AGBL1: variants seen among roughly 807,000 people sequenced by gnomAD.
The protein encoded by AGBL1 is AGBL carboxypeptidase 1.
In AGBL1, 130 loss-of-function variants were observed where a neutral mutation model predicts 118.9. That is an observed-to-expected ratio of 1.09 (90% CI 0.95 to 1.26). The LOEUF is 1.26. AGBL1 is among the 50% of genes most tolerant of loss of function. The probability of loss-of-function intolerance (pLI) is 0.00; values close to 1 mark genes in which losing one functional copy is unlikely to be tolerated. For missense variants in AGBL1, 1,584 were observed against 1,298.1 expected (o/e 1.22, Z -3.38); for synonymous variants, 555 against 478.9 (o/e 1.16, Z -2.08).
intron 22 of AGBL1, among the ~76,000 whole-genome samples, chr15:86,778,826 C>T (rs2078294022): frequency 6.6e-6 from 1 of 152,166 alleles, no homozygotes; most frequent in Admixed American, 6.5e-5. Context: ...AAAGTAAAGA[C>T]AGGCATAGGA....
chr15:86,807,429 G>C (rs2078732664), intron 22 of AGBL1, among the ~76,000 whole-genome samples: 1 of 152,134 alleles, frequency 6.6e-6, no homozygotes, highest in African/African-American at 2.4e-5. Context: ...ATTTGCTTTT[G>C]TGGTTGCTGA....
At chr15:86,160,757 G>A (rs2141713937) in intron 5 of AGBL1, among the ~76,000 whole-genome samples, 2 of 152,250 alleles carry the variant, frequency 1.3e-5, no homozygotes, top group South Asian at 4.2e-4. Context: ...TGTGATATTT[G>A]CTGGGCTCAT....
intron 22 of AGBL1, among the ~76,000 whole-genome samples, chr15:86,894,446 G>A (rs549419747): frequency 6.6e-6 from 1 of 152,208 alleles, no homozygotes; most frequent in East Asian, 1.9e-4. Flanking sequence ...CATGACGTTG[G>A]AGCTTTATTT....
intron 23 of AGBL1, among the ~76,000 whole-genome samples, chr15:86,961,244 C>A (rs1567260784): frequency 6.6e-6 from 1 of 151,766 alleles, no homozygotes; most frequent in Non-Finnish European, 1.5e-5. Context: ...CTAAATAAAG[C>A]TCAAAAAAGG....
intron 5 of AGBL1, among the ~76,000 whole-genome samples, chr15:86,191,485 A>G (rs775293838): frequency 1.6e-4 from 24 of 152,098 alleles, no homozygotes; most frequent in African/African-American, 2.2e-4. Flanking sequence ...AAGGCTTGTA[A>G]TGATAGCCCT....
At chr15:86,362,513 C>A (rs567768553) in intron 17 of AGBL1, among the ~76,000 whole-genome samples, 1 of 152,156 alleles carries the variant, frequency 6.6e-6, no homozygotes. Flanking sequence ...ATCCATAATT[C>A]GGCTAAGTTC....
chr15:86,328,840 G>A (rs1197730682), intron 17 of AGBL1, among the ~76,000 whole-genome samples: 2 of 152,164 alleles, frequency 1.3e-5, no homozygotes, highest in African/African-American at 4.8e-5. Flanking sequence ...AACGCTGCAG[G>A]CATTTTCCCA....
At chr15:86,455,451 T>C (rs1165922230) in intron 18 of AGBL1, among the ~76,000 whole-genome samples, 3 of 152,198 alleles carry the variant, frequency 2.0e-5, no homozygotes, top group Non-Finnish European at 4.4e-5. Flanking sequence ...CAAGATATCC[T>C]GCTTCCCAAT....
chr15:86,101,720 G>A (rs1896732893), intron 1 of AGBL1, among the ~76,000 whole-genome samples: 1 of 150,314 alleles, frequency 6.7e-6, no homozygotes, highest in Admixed American at 6.6e-5. Context: ...CTGTTCATGT[G>A]GAATATATTT....
chr15:86,838,281 G>C (rs180742098), intron 22 of AGBL1, among the ~76,000 whole-genome samples: 109 of 152,166 alleles, frequency 7.2e-4, no homozygotes, highest in Middle Eastern at 3.4e-3. Context: ...ACAAATCACT[G>C]GCCTGTAAGT....
At chr15:86,969,279 C>T (rs745345538) in intron 23 of AGBL1, among the ~76,000 whole-genome samples, 5 of 151,846 alleles carry the variant, frequency 3.3e-5, no homozygotes, top group Non-Finnish European at 5.9e-5. Context: ...CTTTCCACAA[C>T]ACATTGCACA....
intron 18 of AGBL1, among the ~76,000 whole-genome samples, chr15:86,517,553 G>T (rs1032760539): frequency 2.0e-5 from 3 of 152,156 alleles, no homozygotes; most frequent in Non-Finnish European, 4.4e-5. Flanking sequence ...AAAGATTTTG[G>T]CTTTCCCATT....
intron 21 of AGBL1, among the ~76,000 whole-genome samples, chr15:86,576,068 G>A (rs1480930382): frequency 6.6e-6 from 1 of 152,158 alleles, no homozygotes; most frequent in East Asian, 1.9e-4. Flanking sequence ...TGACTCAGAA[G>A]GAAGAAGATA....
At chr15:86,098,918 C>T (rs975355483) in intron 1 of AGBL1, among the ~76,000 whole-genome samples, 7 of 152,038 alleles carry the variant, frequency 4.6e-5, no homozygotes, top group Non-Finnish European at 1.0e-4. Context: ...GTTGTTTTAA[C>T]AATATTAATT....
At chr15:86,231,503 C>G (rs955389886) in intron 6 of AGBL1, among the ~76,000 whole-genome samples, 2 of 152,196 alleles carry the variant, frequency 1.3e-5, no homozygotes, top group Non-Finnish European at 2.9e-5. Context: ...ATTTGTTACA[C>G]TGGGATGGAC....
At chr15:86,807,395 G>A (rs1246282244) in intron 22 of AGBL1, among the ~76,000 whole-genome samples, 1 of 152,258 alleles carries the variant, frequency 6.6e-6, no homozygotes. Context: ...ACCAAATGTG[G>A]AACATAGTAG....
At chr15:86,197,537 C>T (rs1412142247) in intron 5 of AGBL1, among the ~76,000 whole-genome samples, 2 of 152,114 alleles carry the variant, frequency 1.3e-5, no homozygotes, top group African/African-American at 2.4e-5. Flanking sequence ...TTACCTGAGG[C>T]GATTTCTAAG....
At chr15:86,370,247 T>A (rs1368094666) in intron 17 of AGBL1, among the ~76,000 whole-genome samples, 1 of 151,622 alleles carries the variant, frequency 6.6e-6, no homozygotes, top group African/African-American at 2.4e-5. Flanking sequence ...TGTCTTGGAG[T>A]GAGGATTTAC....
chr15:86,726,906 A>G (rs1254268223), intron 22 of AGBL1, among the ~76,000 whole-genome samples: 1 of 152,160 alleles, frequency 6.6e-6, no homozygotes, highest in Non-Finnish European at 1.5e-5. Context: ...AGTGGCAGTT[A>G]GTTTCTGACA....
Sources: gnomAD v4.1 joint callset for allele counts (sites outside exome capture counted in the v4.1 genomes callset) on GRCh38, gnomAD v4.1.1 for gene constraint, MANE v1.5 for transcripts, NCBI Gene and HGNC (gene_info 2026-07-23, HGNC 2026-07-21) for gene names.